Variants in ZFX observed in about 807,000 individuals in gnomAD.
ZFX encodes the protein zinc finger X-chromosomal protein.
For missense variants in ZFX, 362 were observed against 628.3 expected, an observed-to-expected ratio of 0.58 and a Z score of 4.53; for synonymous variants, 196 against 226.8, an observed-to-expected ratio of 0.86 and a Z score of 1.22.
At position 24,179,514 on chromosome X, in the gene ZFX, A is replaced by C. The variant is rs756446794; in HGVS notation, c.390A>C (p.Pro130=). 48 of 1,211,098 alleles carry C rather than the reference A, an allele frequency of 4.0e-5. No individual in the cohort carries two copies. The Admixed American group carries it at 1.0e-3, about 26-fold the overall frequency. The change falls in exon 5 of 10, where the codon CCA becomes CCC. Residue 130 remains proline, a synonymous_variant. Transcript: ENST00000304543. ...SDITSASMSM[P]EHVLTGDSIH... ...TTACTTCAGCCTCAATGTCTATGCC[A>C]GAACACGTCTTGACGGGTGATTCTA...
intron 5 of ZFX, among the ~76,000 whole-genome samples, chrX:24,197,581 C>T (rs1937007023): frequency 8.9e-6 from 1 of 112,003 alleles, no homozygotes; most frequent in Admixed American, 9.5e-5. Context: ...TACAAACACA[C>T]ATAAGTGAAA....
At chrX:24,162,117 A>G (rs1933411106) in intron 3 of ZFX, among the ~76,000 whole-genome samples, 1 of 110,835 alleles carries the variant, frequency 9.0e-6, no homozygotes, top group Non-Finnish European at 1.9e-5. Context: ...AGTCCCAGCT[A>G]CTTGGAAGGC....
At chrX:24,150,482 A>G (rs1931942126) in intron 1 of ZFX, 1 of 112,556 alleles carries the variant, frequency 8.9e-6, no homozygotes, top group Admixed American at 9.2e-5. Context: ...CGGCAGCGCC[A>G]CCTTCCTGCC....
intron 2 of ZFX, among the ~76,000 whole-genome samples, chrX:24,152,317 G>A (rs1340550304): frequency 1.8e-5 from 2 of 109,816 alleles, no homozygotes; most frequent in Admixed American, 2.0e-4. Context: ...TGTATTTTTA[G>A]TAGAGACAGG....
At chrX:24,171,394 T>C (rs1273230486) in intron 3 of ZFX, among the ~76,000 whole-genome samples, 1 of 111,052 alleles carries the variant, frequency 9.0e-6, no homozygotes, top group Non-Finnish European at 1.9e-5. Flanking sequence ...TTTGTGTACA[T>C]GCTGACAGTG....
At chrX:24,160,687 C>T (rs1933203465) in intron 3 of ZFX, among the ~76,000 whole-genome samples, 1 of 111,495 alleles carries the variant, frequency 9.0e-6, no homozygotes, top group African/African-American at 3.3e-5. Context: ...ATCTGTCACA[C>T]CAGCATTTAT....
intron 5 of ZFX, among the ~76,000 whole-genome samples, chrX:24,203,117 C>T (rs185835643): frequency 5.9e-4 from 66 of 111,856 alleles, no homozygotes; most frequent in African/African-American, 2.1e-3. Context: ...TTACCCCAGT[C>T]ACTCAGTCAC....
At chrX:24,163,553 T>G in intron 3 of ZFX, among the ~76,000 whole-genome samples, 1 of 105,410 alleles carries the variant, frequency 9.5e-6, no homozygotes, top group Non-Finnish European at 1.9e-5. Flanking sequence ...AAGTTTTGTA[T>G]TTTTGGTAGA....
chrX:24,180,059 C>T (rs1374922435), intron 5 of ZFX, among the ~76,000 whole-genome samples: 2 of 109,529 alleles, frequency 1.8e-5, no homozygotes, highest in Admixed American at 2.0e-4. Flanking sequence ...TGGTGAAACC[C>T]CGTCTCTACT....
At chrX:24,198,115 C>G (rs1462733448) in intron 5 of ZFX, among the ~76,000 whole-genome samples, 1 of 112,364 alleles carries the variant, frequency 8.9e-6, no homozygotes, top group Non-Finnish European at 1.9e-5. Flanking sequence ...ATGTTAACTT[C>G]CACATCTTTC....
chrX:24,173,156 T>G (rs1421722673), intron 4 of ZFX, among the ~76,000 whole-genome samples: 1 of 112,310 alleles, frequency 8.9e-6, no homozygotes, highest in Non-Finnish European at 1.9e-5. Context: ...AGAAAAAATA[T>G]TCTTTATTTA....
chrX:24,208,306 C>T lies in ZFX; in HGVS notation c.1029C>T (p.His343=), dbSNP rs1413614820. The T allele has an allele frequency of 3.3e-6, 4 of 1,210,637 alleles. No homozygotes were observed. Among genetic ancestry groups the T allele is most frequent in the Admixed American group, 2.2e-5 (1 of 45,598 alleles). Residue 343 remains histidine, a synonymous_variant, in exon 8 of 10, where the codon CAC becomes CAT. Coordinates refer to ENST00000304543, the MANE Select transcript of ZFX (RefSeq NM_003410.4). ...AAAAAAAAAV[H]EQQMDDNEIK... ...CAGCAGCGGCAGCCGCCGCCGTGCA[C>T]GAGCAGCAAATGGATGACAATGAAA...
chrX:24,168,789 T>A (rs1286772819), intron 3 of ZFX, among the ~76,000 whole-genome samples: 3 of 109,272 alleles, frequency 2.7e-5, no homozygotes, highest in East Asian at 5.7e-4. Flanking sequence ...AATATCTTAC[T>A]GAGTTTGAGG....
intron 5 of ZFX, 97 bp from the exon 6 acceptor site, chrX:24,207,229 C>T (rs1286307429): frequency 1.5e-5 from 14 of 918,270 alleles, no homozygotes; most frequent in African/African-American, 4.5e-5. Context: ...AGTGAGACTC[C>T]GTCTCAAAAA....
At position 24,215,634 on chromosome X, in the gene ZFX, AGT is replaced by A. The variant is rs1938415568; in HGVS notation, c.*4260_*4261del. 1 of 111,866 alleles carries A rather than the reference AGT, an allele frequency of 8.9e-6. No individual in the cohort carries two copies. The highest frequency in any genetic ancestry group is 9.5e-5 in the Admixed American group (1 of 10,477). 9.2% of individuals were successfully genotyped at this position (111,866 alleles called of 1,213,427 possible). A position where few individuals can be genotyped will look rare whatever the true frequency, so the allele number is the denominator to read the frequency against. The stretch of plus-strand genomic sequence containing the variant: ...TTATCACAAAAAATCAGAAATGAAC[AGT>A]GAGAGAAAAATAGGACCCCAGACAG... On this transcript the variant is annotated 3_prime_UTR_variant, in exon 10 of 10. Coordinates refer to ENST00000304543, the MANE Select transcript of ZFX (RefSeq NM_003410.4).
At chrX:24,192,893 C>CAAA (rs759166413) in intron 5 of ZFX, among the ~76,000 whole-genome samples, 1 of 48,520 alleles carries the variant, frequency 2.1e-5, no homozygotes, top group African/African-American at 6.6e-5. Context: ...GACCCTGTCT[C>CAAA]AAAAAAAAAA....
intron 3 of ZFX, among the ~76,000 whole-genome samples, chrX:24,161,233 A>G (rs1933270229): frequency 8.9e-6 from 1 of 112,421 alleles, no homozygotes; most frequent in Admixed American, 9.5e-5. Flanking sequence ...ACCTAAATTA[A>G]TGGCAAGAGA....
At chrX:24,199,895 C>T (rs779075254) in intron 5 of ZFX, among the ~76,000 whole-genome samples, 1 of 103,263 alleles carries the variant, frequency 9.7e-6, no homozygotes, top group East Asian at 3.0e-4. Flanking sequence ...CCAGTCTGGG[C>T]AACAAGAGCG....
At position 24,212,988 on chromosome X, in the gene ZFX, ACC is replaced by A. The variant is rs768367107; in HGVS notation, c.*1613_*1614del. 64 of 110,183 alleles carry A rather than the reference ACC, an allele frequency of 5.8e-4. No homozygotes were observed. Among genetic ancestry groups the A allele is most frequent in the African/African-American group, 2.0e-3 (62 of 30,260 alleles). 9.1% of individuals were successfully genotyped at this position (110,183 alleles called of 1,213,427 possible). ...ACTGCAACCTCTGCAGCTCACTGCAACCTCTGCTTCCTGGGTTCAAGCAATTA... is the reference window on the plus strand; with the variant it reads ...ACTGCAACCTCTGCAGCTCACTGCAATCTGCTTCCTGGGTTCAAGCAATTA... On this transcript the variant is annotated 3_prime_UTR_variant, in exon 10 of 10. Coordinates refer to ENST00000304543, the MANE Select transcript of ZFX (RefSeq NM_003410.4).
Sources: gnomAD v4.1 joint callset for allele counts (sites outside exome capture counted in the v4.1 genomes callset) on GRCh38, gnomAD v4.1.1 for gene constraint, MANE v1.5 for transcripts, NCBI Gene and HGNC (gene_info 2026-07-23, HGNC 2026-07-21) for gene names.